Variants in AGBL1 observed in about 807,000 individuals in gnomAD.
AGBL1 encodes the protein cytosolic carboxypeptidase 4.
A neutral mutation model predicts 118.9 loss-of-function variants in AGBL1; 130 were observed. That is an observed-to-expected ratio of 1.09 (90% CI 0.95 to 1.26). The LOEUF (loss-of-function observed/expected upper bound fraction) is 1.26, where lower values mean the gene tolerates loss of function less well. AGBL1 is among the 50% of genes most tolerant of loss of function. The pLI is 0.00. For synonymous variants in AGBL1, 555 were observed against 478.9 expected (o/e 1.16, Z -2.08); for missense variants, 1,584 against 1,298.1 (o/e 1.22, Z -3.38).
In AGBL1 at chr15:86,397,370, T is replaced by C; in HGVS notation, c.2379T>C (p.His793=). Residue 793 remains histidine (H), a synonymous_variant, in exon 18 of 23, where the codon CAT becomes CAC. Coordinates refer to ENST00000614907, the MANE Select transcript of AGBL1 (RefSeq NM_001386094.1). ...NSDEHLEQFR[H]RPYQVITARV... ...CTTATGTCCCTTTTTCTGCAGGACA[T>C]CGTCCATATCAGGTGATCACTGCTC... The C allele has an allele frequency of 6.4e-7, 1 of 1,556,014 alleles. No individual in the cohort carries two copies.
At chr15:86,632,596 C>A (rs1315852998) in intron 21 of AGBL1, among the ~76,000 whole-genome samples, 1 of 151,782 alleles carries the variant, frequency 6.6e-6, no homozygotes, top group Non-Finnish European at 1.5e-5. Context: ...TCACTTCCAA[C>A]CTTACTACCA....
chr15:86,711,673 T>C (rs2086559756), intron 22 of AGBL1, among the ~76,000 whole-genome samples: 1 of 152,172 alleles, frequency 6.6e-6, no homozygotes, highest in South Asian at 2.1e-4. Flanking sequence ...GCCCACTGGT[T>C]AAGTCCAGCC....
At chr15:86,118,563 C>G (rs1897906870) in intron 1 of AGBL1, among the ~76,000 whole-genome samples, 1 of 151,790 alleles carries the variant, frequency 6.6e-6, no homozygotes, top group South Asian at 2.1e-4. Context: ...CATTGGAGAG[C>G]AGGTGCAGAG....
intron 21 of AGBL1, among the ~76,000 whole-genome samples, chr15:86,664,079 C>A (rs533747478): frequency 1.3e-5 from 2 of 152,164 alleles, no homozygotes; most frequent in Non-Finnish European, 2.9e-5. Context: ...CTAGCCCACA[C>A]CTTCAACCCT....
chr15:86,211,782 C>T (rs1423757982), intron 5 of AGBL1, among the ~76,000 whole-genome samples: 1 of 152,168 alleles, frequency 6.6e-6, no homozygotes, highest in Non-Finnish European at 1.5e-5. Flanking sequence ...AATCCCCTGA[C>T]CCCTTGCACT....
intron 21 of AGBL1, among the ~76,000 whole-genome samples, chr15:86,606,383 A>T (rs2437804): frequency 0.5 from 75,640 of 151,946 alleles, 18,974 homozygotes; most frequent in East Asian, 0.73. Flanking sequence ...TAGTAAAATA[A>T]TCAGTAAAGA....
At chr15:86,540,181 A>C (rs965337508) in intron 19 of AGBL1, among the ~76,000 whole-genome samples, 1 of 152,124 alleles carries the variant, frequency 6.6e-6, no homozygotes, top group South Asian at 2.1e-4. Flanking sequence ...TAAATTAACT[A>C]TTGTTGCTAT....
chr15:86,286,727 T>TTGTG (rs1410855813), intron 16 of AGBL1, among the ~76,000 whole-genome samples: 3,261 of 80,368 alleles, frequency 0.041, 138 homozygotes, highest in Middle Eastern at 0.085. Flanking sequence ...GTGTGTGTGT[T>TTGTG]TGTGTGTGTA....
intron 17 of AGBL1, among the ~76,000 whole-genome samples, chr15:86,364,736 CTG>C (rs1252015075): frequency 6.6e-6 from 1 of 151,784 alleles, no homozygotes; most frequent in Non-Finnish European, 1.5e-5. Flanking sequence ...GAGACAGAAA[CTG>C]TGTTTCAATC....
At chr15:87,002,376 T>C (rs911914416) in intron 24 of AGBL1, among the ~76,000 whole-genome samples, 2 of 152,038 alleles carry the variant, frequency 1.3e-5, no homozygotes, top group African/African-American at 4.8e-5. Context: ...TTTTGGTTAC[T>C]GTAGCCTTGT....
chr15:86,383,587 A>G (rs1020194811), intron 17 of AGBL1, among the ~76,000 whole-genome samples: 43 of 152,154 alleles, frequency 2.8e-4, no homozygotes, highest in Non-Finnish European at 5.0e-4. Context: ...ACTCCATCTC[A>G]AAAAAATAAA....
Position 86,082,136 on chromosome 15 carries a change from C to T in AGBL1, c.51+2113C>T, listed in dbSNP as rs144272930. Among the ~76,000 whole-genome samples the T allele has an allele frequency of 6.4e-4, 97 of 152,310 alleles. 1 individual carries two copies. The highest frequency in any genetic ancestry group is 2.1e-3 in the African/African-American group (89 of 41,580). ...TCCCTAAGCCCTGTTTCTGTCTCTACGGTAGAAGTCAGAACTCTGAAACGC... is the reference window on the plus strand; with the variant it reads ...TCCCTAAGCCCTGTTTCTGTCTCTATGGTAGAAGTCAGAACTCTGAAACGC... On this transcript the variant is annotated intron_variant, in intron 1 of 22. Transcript: ENST00000614907.
chr15:86,111,757 C>T (rs1010965564), intron 1 of AGBL1, among the ~76,000 whole-genome samples: 13 of 152,168 alleles, frequency 8.5e-5, no homozygotes, highest in African/African-American at 3.1e-4. Flanking sequence ...GGTCTCCAAC[C>T]CCCGGGCCAC....
At chr15:87,002,038 C>T (rs1395996106) in intron 24 of AGBL1, among the ~76,000 whole-genome samples, 1 of 152,038 alleles carries the variant, frequency 6.6e-6, no homozygotes, top group Non-Finnish European at 1.5e-5. Flanking sequence ...GTGTTTTAGG[C>T]ATGAAGTCCT....
intron 21 of AGBL1, among the ~76,000 whole-genome samples, chr15:86,582,849 C>T (rs867078053): frequency 8.8e-5 from 10 of 113,840 alleles, no homozygotes; most frequent in South Asian, 3.2e-4. Flanking sequence ...CATCACACAC[C>T]GGAGACTGTT....
intron 17 of AGBL1, among the ~76,000 whole-genome samples, chr15:86,335,918 G>T (rs1185701191): frequency 6.6e-6 from 1 of 152,192 alleles, no homozygotes; most frequent in East Asian, 1.9e-4. Context: ...ACATGCATGT[G>T]TTCTGGTTTT....
chr15:87,007,031 C>A (rs2081512407), intron 24 of AGBL1, among the ~76,000 whole-genome samples: 1 of 152,020 alleles, frequency 6.6e-6, no homozygotes, highest in South Asian at 2.1e-4. Context: ...AATAATACTC[C>A]AGAGAAGGTA....
At chr15:86,361,267 T>C (rs1356420617) in intron 17 of AGBL1, among the ~76,000 whole-genome samples, 1 of 152,062 alleles carries the variant, frequency 6.6e-6, no homozygotes, top group African/African-American at 2.4e-5. Context: ...ATTTTCTTAC[T>C]GTTACTGATT....
intron 5 of AGBL1, among the ~76,000 whole-genome samples, chr15:86,204,501 C>T (rs923167491): frequency 3.2e-5 from 4 of 123,838 alleles, no homozygotes; most frequent in African/African-American, 1.2e-4. Flanking sequence ...TCCCCTTCCC[C>T]TTCCCCTTCC....
Sources: gnomAD v4.1 joint callset for allele counts (sites outside exome capture counted in the v4.1 genomes callset) on GRCh38, gnomAD v4.1.1 for gene constraint, MANE v1.5 for transcripts, NCBI Gene and HGNC (gene_info 2026-07-23, HGNC 2026-07-21) for gene names.